Variants in TEAD4 observed in about 807,000 individuals in gnomAD.
TEAD4 encodes the protein transcriptional enhancer factor TEF-3.
In TEAD4, 36 loss-of-function variants were observed where a neutral mutation model predicts 52.4. The ratio of observed to expected loss-of-function variants is 0.69; its 90% CI spans 0.53 to 0.91. TEAD4 has a LOEUF of 0.91. Ranked by LOEUF, TEAD4 falls within the 40% of genes least tolerant of loss-of-function variation. The probability of loss-of-function intolerance (pLI) is 0.00; values close to 1 mark genes in which losing one functional copy is unlikely to be tolerated. For missense variants in TEAD4, 508 were observed against 583.9 expected, an observed-to-expected ratio of 0.87 and a Z score of 1.34; for synonymous variants, 220 against 231.0, an observed-to-expected ratio of 0.95 and a Z score of 0.43.
chr12:3,003,563 C>G (rs2159410), intron 3 of TEAD4, among the ~76,000 whole-genome samples: 100,518 of 152,118 alleles, frequency 0.66, 39,661 homozygotes, highest in Non-Finnish European at 0.87. Context: ...GAGATTCCTC[C>G]TGGATGCTGC....
chr12:2,987,413 TTTG>T (rs1260516935), intron 2 of TEAD4, among the ~76,000 whole-genome samples: 25 of 68,808 alleles, frequency 3.6e-4, no homozygotes, highest in Non-Finnish European at 6.6e-4. Context: ...GCTTGTTTTT[TTTG>T]TTTGTTTTGT....
chr12:2,995,547 A>G (rs551961874), intron 3 of TEAD4, among the ~76,000 whole-genome samples: 21 of 152,280 alleles, frequency 1.4e-4, no homozygotes, highest in African/African-American at 5.1e-4. Context: ...CCCCTAGGAA[A>G]GGCCCCCCCC....
chr12:3,022,967 C>T (rs992468853), intron 10 of TEAD4, among the ~76,000 whole-genome samples: 1 of 152,210 alleles, frequency 6.6e-6, no homozygotes, highest in African/African-American at 2.4e-5. Flanking sequence ...CAAAGCTTTA[C>T]TTTTCCTAGA....
intron 8 of TEAD4, among the ~76,000 whole-genome samples, 158 bp from the exon 9 acceptor site, chr12:3,020,476 A>G (rs989373327): frequency 3.3e-5 from 5 of 151,708 alleles, no homozygotes; most frequent in Non-Finnish European, 7.4e-5. Flanking sequence ...CAAGCCTGGC[A>G]CTCCCTCCAC....
intron 10 of TEAD4, among the ~76,000 whole-genome samples, chr12:3,032,495 C>G (rs967454810): frequency 6.6e-6 from 1 of 152,144 alleles, no homozygotes; most frequent in African/African-American, 2.4e-5. Flanking sequence ...CAGCAGTTGG[C>G]CCCAGCTGGG....
chr12:3,010,913 A>C, intron 3 of TEAD4, 91 bp from the exon 4 acceptor site: 1 of 1,401,082 alleles, frequency 7.1e-7, no homozygotes, highest in South Asian at 1.2e-5. Context: ...GAGTGAGGGC[A>C]GGGCTCCTCC....
At chr12:3,017,198 A>C in intron 5 of TEAD4, 200 bp from the exon 6 acceptor site, 1 of 689,878 alleles carries the variant, frequency 1.4e-6, no homozygotes, top group South Asian at 1.6e-5. Flanking sequence ...CCCCTTTGAC[A>C]GATGAGAAAA....
intron 3 of TEAD4, among the ~76,000 whole-genome samples, chr12:3,010,283 A>G (rs891842143): frequency 2.6e-5 from 4 of 152,206 alleles, no homozygotes; most frequent in African/African-American, 7.2e-5. Flanking sequence ...CCTTTCCATC[A>G]TCTTTTTCAA....
chr12:2,974,382 A>G (rs994876247), intron 2 of TEAD4, among the ~76,000 whole-genome samples: 7 of 152,180 alleles, frequency 4.6e-5, no homozygotes, highest in Admixed American at 3.3e-4. Flanking sequence ...GCTCTGGGAC[A>G]GAAGACTTAC....
chr12:3,019,381 G>C (rs1450199262), intron 8 of TEAD4, among the ~76,000 whole-genome samples: 1 of 152,222 alleles, frequency 6.6e-6, no homozygotes, highest in Non-Finnish European at 1.5e-5. Flanking sequence ...ATGCCCCTCG[G>C]GTTGCCTTGC....
chr12:2,961,510 T>C (rs1303618649), intron 2 of TEAD4, among the ~76,000 whole-genome samples: 1 of 152,066 alleles, frequency 6.6e-6, no homozygotes, highest in Non-Finnish European at 1.5e-5. Flanking sequence ...GTGCGACTGG[T>C]CTAAAAGCAG....
intron 5 of TEAD4, among the ~76,000 whole-genome samples, chr12:3,015,099 A>C (rs2098263375): frequency 7.3e-6 from 1 of 136,490 alleles, no homozygotes; most frequent in African/African-American, 3.0e-5. Context: ...GTTTGGCCCC[A>C]AAAGGACAGT....
At chr12:3,017,566 C>G in intron 6 of TEAD4, 40 bp downstream of exon 6, 1 of 1,575,194 alleles carries the variant, frequency 6.3e-7, no homozygotes, top group Non-Finnish European at 8.6e-7. Flanking sequence ...GGCCAGCCCT[C>G]TCCTCCTCCC....
intron 5 of TEAD4, among the ~76,000 whole-genome samples, chr12:3,015,432 C>T (rs1177288245): frequency 6.6e-6 from 1 of 152,242 alleles, no homozygotes; most frequent in Non-Finnish European, 1.5e-5. Flanking sequence ...TGCCTCATGC[C>T]ACATGGGTGA....
intron 2 of TEAD4, among the ~76,000 whole-genome samples, chr12:2,979,231 G>A (rs2098232271): frequency 6.6e-6 from 1 of 152,080 alleles, no homozygotes; most frequent in Non-Finnish European, 1.5e-5. Flanking sequence ...CCTTTTTAAG[G>A]TCGAATCATC....
intron 2 of TEAD4, among the ~76,000 whole-genome samples, chr12:2,985,756 AC>A (rs1177110005): frequency 6.6e-6 from 1 of 151,640 alleles, no homozygotes; most frequent in Non-Finnish European, 1.5e-5. Context: ...CACCTACCTC[AC>A]CTGTTTTTTT....
chr12:3,003,270 T>C (rs981999211), intron 3 of TEAD4, among the ~76,000 whole-genome samples: 1 of 152,182 alleles, frequency 6.6e-6, no homozygotes, highest in Non-Finnish European at 1.5e-5. Context: ...GCTAATAGCA[T>C]TCGTTATAAT....
Position 3,040,570 on chromosome 12 carries a change from C to A in TEAD4, c.*92C>A. ...CTGCAGGGGCAGCCCCCTGAAGTGC[C>A]AAGAGAGCTGAGAGGAGCAGTTGTG... On this transcript the variant is annotated 3_prime_UTR_variant, in exon 13 of 13. Coordinates refer to ENST00000359864, the MANE Select transcript of TEAD4 (RefSeq NM_003213.4). The A allele has an allele frequency of 8.6e-7, 1 of 1,168,010 alleles. No homozygotes were observed. Among genetic ancestry groups the A allele is most frequent in the Non-Finnish European group, 1.2e-6 (1 of 800,774 alleles). 72.4% of individuals were successfully genotyped at this position (1,168,010 alleles called of 1,614,324 possible).
At chr12:3,017,081 A>C (rs1426918124) in intron 5 of TEAD4, 3 of 507,834 alleles carry the variant, frequency 5.9e-6, no homozygotes, top group Non-Finnish European at 1.1e-5. Flanking sequence ...TGAGCTAGGC[A>C]CCTGTGGTAG....
Sources: gnomAD v4.1 joint callset for allele counts (sites outside exome capture counted in the v4.1 genomes callset) on GRCh38, gnomAD v4.1.1 for gene constraint, MANE v1.5 for transcripts, NCBI Gene and HGNC (gene_info 2026-07-23, HGNC 2026-07-21) for gene names.